Variants in DNER observed in about 807,000 individuals in gnomAD.
The protein encoded by DNER is delta/notch like EGF repeat containing.
Under a neutral mutation model 78.2 loss-of-function variants are expected in DNER, and 33 were observed. The observed-to-expected ratio is 0.42, with a 90% confidence interval of 0.32 to 0.56. DNER has a LOEUF of 0.56. Among genes scored for constraint, DNER ranks in the 20% least tolerant of loss-of-function variants. DNER has a pLI of 0.11. For synonymous variants in DNER, 417 were observed against 384.8 expected (o/e 1.08, Z -0.98); for missense variants, 918 against 975.3 (o/e 0.94, Z 0.78).
chr2:229,472,833 C>T (rs1248794994), intron 7 of DNER, among the ~76,000 whole-genome samples: 1 of 152,182 alleles, frequency 6.6e-6, no homozygotes, highest in East Asian at 1.9e-4. Flanking sequence ...CAATATGAAC[C>T]TAGTAAAAGC....
chr2:229,409,437 A>G (rs979480664), intron 9 of DNER, among the ~76,000 whole-genome samples: 1 of 152,234 alleles, frequency 6.6e-6, no homozygotes, highest in South Asian at 2.1e-4. Context: ...GTTTCTAGTA[A>G]TACATTAACA....
intron 1 of DNER, among the ~76,000 whole-genome samples, chr2:229,644,361 T>G (rs1698677021): frequency 7.6e-6 from 1 of 131,760 alleles, no homozygotes; most frequent in African/African-American, 3.0e-5. Flanking sequence ...TTTTTTTTTT[T>G]GAGCTGGAGT....
At chr2:229,607,169 T>C (rs182871833) in intron 1 of DNER, among the ~76,000 whole-genome samples, 32 of 152,340 alleles carry the variant, frequency 2.1e-4, no homozygotes, top group Non-Finnish European at 4.4e-4. Context: ...AATAAGATGC[T>C]TAAAGTAGAT....
intron 12 of DNER, 146 bp downstream of exon 12, chr2:229,366,727 G>T: frequency 7.9e-7 from 1 of 1,273,882 alleles, no homozygotes; most frequent in Non-Finnish European, 1.1e-6. Flanking sequence ...GTGGTCGAAT[G>T]ATCTATCCCC....
intron 8 of DNER, among the ~76,000 whole-genome samples, chr2:229,441,471 G>A (rs770262847): frequency 1.1e-4 from 17 of 152,044 alleles, no homozygotes; most frequent in Non-Finnish European, 2.2e-4. Context: ...TGTTAGATGG[G>A]ATTTATTATA....
At chr2:229,366,833 ATG>A in intron 12 of DNER, 38 bp downstream of exon 12, 1 of 1,611,638 alleles carries the variant, frequency 6.2e-7, no homozygotes, top group Non-Finnish European at 8.5e-7. Flanking sequence ...AAGAATGCAC[ATG>A]TGAAGGCAGC....
intron 10 of DNER, among the ~76,000 whole-genome samples, chr2:229,405,913 A>G (rs1356091164): frequency 6.6e-6 from 1 of 152,150 alleles, no homozygotes; most frequent in Non-Finnish European, 1.5e-5. Flanking sequence ...TGCTTCCCCT[A>G]ATATTATTTT....
intron 5 of DNER, among the ~76,000 whole-genome samples, chr2:229,530,507 C>T (rs1696282426): frequency 1.3e-5 from 2 of 152,248 alleles, no homozygotes; most frequent in South Asian, 4.1e-4. Context: ...CTCAAATTTT[C>T]TGCCCAGAAA....
chr2:229,544,942 T>G (rs1456044265), intron 5 of DNER, among the ~76,000 whole-genome samples: 3 of 152,188 alleles, frequency 2.0e-5, no homozygotes, highest in Non-Finnish European at 4.4e-5. Context: ...ATTCCTTCTG[T>G]TAGTCCCCCT....
intron 10 of DNER, among the ~76,000 whole-genome samples, chr2:229,394,958 G>A (rs6734386): frequency 0.02 from 3,099 of 152,162 alleles, 99 homozygotes; most frequent in African/African-American, 0.07. Flanking sequence ...GCCACATGAG[G>A]GACCTACAAA....
At position 229,375,646 on chromosome 2, in the gene DNER, A is replaced by C. The variant is rs184744175; in HGVS notation, c.1856-8527T>G. Among the ~76,000 whole-genome samples the C allele has an allele frequency of 8.5e-5, 13 of 152,344 alleles. No individual in the cohort carries two copies. The East Asian group carries it at 2.5e-3, about 29-fold the overall frequency. Reference sequence around the variant, plus strand: ...CCAACTTATAATGAAATGCTCATGAAAAGTTAAAAGATAATCACCAACCAA... The same window carrying C: ...CCAACTTATAATGAAATGCTCATGACAAGTTAAAAGATAATCACCAACCAA... On this transcript the variant is annotated intron_variant, in intron 11 of 12. Coordinates refer to ENST00000341772, the MANE Select transcript of DNER (RefSeq NM_139072.4).
At chr2:229,651,771 A>T (rs987262085) in intron 1 of DNER, among the ~76,000 whole-genome samples, 2 of 152,232 alleles carry the variant, frequency 1.3e-5, no homozygotes, top group African/African-American at 4.8e-5. Flanking sequence ...GGATTTCAAA[A>T]AGGAACATGA....
chr2:229,629,100 G>A (rs1369833746), intron 1 of DNER, among the ~76,000 whole-genome samples: 1 of 152,194 alleles, frequency 6.6e-6, no homozygotes, highest in African/African-American at 2.4e-5. Context: ...TCTCAGCTCT[G>A]TAGATTGCCA....
At chr2:229,690,577 C>A (rs576453045) in intron 1 of DNER, among the ~76,000 whole-genome samples, 1 of 152,192 alleles carries the variant, frequency 6.6e-6, no homozygotes, top group African/African-American at 2.4e-5. Flanking sequence ...TCCCTTCCAG[C>A]TCCATCACTC....
intron 1 of DNER, among the ~76,000 whole-genome samples, chr2:229,670,184 C>T (rs1699183549): frequency 6.6e-6 from 1 of 152,184 alleles, no homozygotes; most frequent in African/African-American, 2.4e-5. Context: ...GGCCAGATTC[C>T]CGAGCATGAT....
intron 8 of DNER, among the ~76,000 whole-genome samples, chr2:229,422,268 A>C (rs964400484): frequency 6.6e-6 from 1 of 152,214 alleles, no homozygotes; most frequent in African/African-American, 2.4e-5. Flanking sequence ...TAATTCAGGC[A>C]AACAAATTAG....
At chr2:229,526,381 C>T (rs1488838880) in intron 5 of DNER, among the ~76,000 whole-genome samples, 2 of 152,156 alleles carry the variant, frequency 1.3e-5, no homozygotes, top group African/African-American at 4.8e-5. Context: ...AACTCATTTA[C>T]GATCCCCAGA....
chr2:229,417,393 A>G (rs1275515614), intron 9 of DNER, among the ~76,000 whole-genome samples: 2 of 152,198 alleles, frequency 1.3e-5, no homozygotes, highest in Non-Finnish European at 2.9e-5. Context: ...TATGGCTTAG[A>G]GAAATGTGTG....
chr2:229,405,353 G>A (rs899945425), intron 10 of DNER, among the ~76,000 whole-genome samples: 1 of 152,120 alleles, frequency 6.6e-6, no homozygotes, highest in Non-Finnish European at 1.5e-5. Context: ...AGAGAGTAAT[G>A]TCGAAATATG....
Sources: allele counts gnomAD v4.1 joint callset (sites outside exome capture counted in the v4.1 genomes callset), GRCh38; gene constraint gnomAD v4.1.1; transcripts MANE v1.5; gene names NCBI Gene and HGNC (gene_info 2026-07-23, HGNC 2026-07-21).